RABGAP1L: variants seen among roughly 807,000 people sequenced by gnomAD.
RABGAP1L encodes the protein RAB GTPase activating protein 1 like.
Under a neutral mutation model 137.7 loss-of-function variants are expected in RABGAP1L, and 63 were observed. That is an observed-to-expected ratio of 0.46 (90% CI 0.37 to 0.56). RABGAP1L has a LOEUF of 0.56. RABGAP1L is among the 20% of genes least tolerant of loss of function. The pLI, the probability that RABGAP1L is intolerant of heterozygous loss-of-function variation, is 0.00. For synonymous variants in RABGAP1L, 431 were observed against 433.7 expected (o/e 0.99, Z 0.08); for missense variants, 1,095 against 1,244.0 (o/e 0.88, Z 1.80).
chr1:174,349,411 A>AC (rs1477395906), intron 11 of RABGAP1L, among the ~76,000 whole-genome samples: 4 of 90,178 alleles, frequency 4.4e-5, no homozygotes, highest in East Asian at 7.7e-4. Context: ...TGGGGGGCTG[A>AC]CCCCCCCACC....
intron 14 of RABGAP1L, among the ~76,000 whole-genome samples, chr1:174,649,393 CTGG>C (rs909800914): frequency 1.1e-4 from 17 of 152,234 alleles, no homozygotes; most frequent in African/African-American, 3.6e-4. Context: ...TAGGGCAGGT[CTGG>C]TGGTGACAAA....
chr1:174,300,303 A>G (rs902658546), intron 10 of RABGAP1L, among the ~76,000 whole-genome samples: 7 of 152,058 alleles, frequency 4.6e-5, no homozygotes, highest in Non-Finnish European at 1.0e-4. Flanking sequence ...AGGCTGGTGA[A>G]TCTCCTGAGG....
chr1:174,500,120 C>T (rs1661124766), intron 13 of RABGAP1L, among the ~76,000 whole-genome samples: 1 of 149,678 alleles, frequency 6.7e-6, no homozygotes, highest in Non-Finnish European at 1.5e-5. Flanking sequence ...GCTCTTGTAG[C>T]CCAGGCTAGA....
intron 13 of RABGAP1L, among the ~76,000 whole-genome samples, chr1:174,537,198 A>G (rs1664961283): frequency 6.6e-6 from 1 of 152,190 alleles, no homozygotes. Flanking sequence ...AAAATAGACT[A>G]TAAACTTATA....
chr1:174,371,156 A>G, intron 12 of RABGAP1L, 84 bp downstream of exon 12: 1 of 651,042 alleles, frequency 1.5e-6, no homozygotes, highest in East Asian at 3.0e-5. Context: ...GTGTTAAAAT[A>G]GGTTTTAAAG....
At chr1:174,636,065 T>C (rs956099588) in intron 13 of RABGAP1L, among the ~76,000 whole-genome samples, 9 of 152,204 alleles carry the variant, frequency 5.9e-5, no homozygotes, top group African/African-American at 2.2e-4. Flanking sequence ...TCACCATCAG[T>C]GTTGCTATAA....
At chr1:174,946,980 G>GTGTATATA (rs770439099) in intron 19 of RABGAP1L, among the ~76,000 whole-genome samples, 3 of 78,248 alleles carry the variant, frequency 3.8e-5, no homozygotes, top group African/African-American at 1.1e-4. Flanking sequence ...GTGTGTGTGT[G>GTGTATATA]TATATATATG....
At chr1:174,557,087 A>C (rs925597095) in intron 13 of RABGAP1L, among the ~76,000 whole-genome samples, 2 of 152,220 alleles carry the variant, frequency 1.3e-5, no homozygotes, top group South Asian at 4.1e-4. Context: ...GTGGCTGGAA[A>C]GGTCAGCCCG....
chr1:174,325,718 A>C (rs1325788147), intron 11 of RABGAP1L, among the ~76,000 whole-genome samples: 2 of 152,186 alleles, frequency 1.3e-5, no homozygotes, highest in African/African-American at 2.4e-5. Flanking sequence ...GAGCAACACA[A>C]GTCCTGATGG....
chr1:174,262,098 T>C (rs1673624581), intron 7 of RABGAP1L, among the ~76,000 whole-genome samples: 1 of 152,358 alleles, frequency 6.6e-6, no homozygotes, highest in South Asian at 2.1e-4. Context: ...AAAAGTACTT[T>C]CATTATTCTC....
intron 19 of RABGAP1L, among the ~76,000 whole-genome samples, chr1:174,902,324 TC>T (rs1368147946): frequency 6.6e-6 from 1 of 151,836 alleles, no homozygotes; most frequent in East Asian, 1.9e-4. Flanking sequence ...TGGCTGCCTC[TC>T]CCCCCCAGGA....
chr1:174,957,313 T>C, intron 19 of RABGAP1L, 144 bp from the exon 20 acceptor site: 2 of 639,636 alleles, frequency 3.1e-6, no homozygotes, highest in Non-Finnish European at 5.6e-6. Context: ...TTTGCCAACC[T>C]CTACTCTGGA....
At chr1:174,255,123 G>T (rs1365364265) in intron 7 of RABGAP1L, among the ~76,000 whole-genome samples, 1 of 152,040 alleles carries the variant, frequency 6.6e-6, no homozygotes, top group Non-Finnish European at 1.5e-5. Flanking sequence ...TTTGTTGGCC[G>T]CATAAATGTC....
intron 1 of RABGAP1L, among the ~76,000 whole-genome samples, chr1:174,177,657 A>G (rs775428152): frequency 1.2e-4 from 19 of 152,120 alleles, no homozygotes; most frequent in African/African-American, 4.3e-4. Context: ...TAATTTTTGT[A>G]TAAGGTGTAA....
chr1:174,203,423 G>A (rs1009025150), intron 1 of RABGAP1L, among the ~76,000 whole-genome samples: 14 of 152,138 alleles, frequency 9.2e-5, no homozygotes, highest in African/African-American at 3.4e-4. Flanking sequence ...TTGTAGGTGT[G>A]TGGCCTTATT....
chr1:174,578,164 AATT>A (rs1292459502), intron 13 of RABGAP1L, among the ~76,000 whole-genome samples: 1 of 152,132 alleles, frequency 6.6e-6, no homozygotes. Flanking sequence ...ACTGTAAAAA[AATT>A]ACATTGTGAA....
At chr1:174,736,007 C>T (rs1369325619) in intron 17 of RABGAP1L, among the ~76,000 whole-genome samples, 1 of 152,176 alleles carries the variant, frequency 6.6e-6, no homozygotes, top group Non-Finnish European at 1.5e-5. Context: ...ATATCCAGCC[C>T]ATGTCATTCT....
intron 19 of RABGAP1L, 151 bp downstream of exon 19, chr1:174,812,111 G>A: frequency 5.5e-6 from 4 of 730,778 alleles, no homozygotes; most frequent in Non-Finnish European, 5.9e-6. Flanking sequence ...GTGTTTGTCA[G>A]GCTAATGTGT....
chr1:174,875,408 G>T (rs1652917971), intron 19 of RABGAP1L: 2 of 373,492 alleles, frequency 5.4e-6, no homozygotes, highest in South Asian at 2.2e-4. Flanking sequence ...GGGTGCATAG[G>T]CGCTGCTGAA....
Sources: allele counts gnomAD v4.1 joint callset (sites outside exome capture counted in the v4.1 genomes callset), GRCh38; gene constraint gnomAD v4.1.1; transcripts MANE v1.5; gene names NCBI Gene and HGNC (gene_info 2026-07-23, HGNC 2026-07-21).